The following PDGFC variants were observed in gnomAD, a reference collection of about 807,000 sequenced individuals.
The protein encoded by PDGFC is platelet-derived growth factor C.
Under a neutral mutation model 35.5 loss-of-function variants are expected in PDGFC, and 12 were observed. The ratio of observed to expected loss-of-function variants is 0.34; its 90% CI spans 0.22 to 0.55. The LOEUF (loss-of-function observed/expected upper bound fraction) is 0.55. Among genes scored for constraint, PDGFC ranks in the 20% least tolerant of loss-of-function variants. PDGFC has a pLI of 0.91. For missense variants in PDGFC, 322 were observed against 412.4 expected (o/e 0.78, Z 1.90); for synonymous variants, 159 against 148.8 (o/e 1.07, Z -0.50).
intron 1 of PDGFC, among the ~76,000 whole-genome samples, chr4:156,950,581 A>T (rs965066322): frequency 2.0e-5 from 3 of 151,822 alleles, no homozygotes; most frequent in African/African-American, 7.2e-5. Context: ...TAATAAAATT[A>T]ATATGCCTTT....
intron 1 of PDGFC, among the ~76,000 whole-genome samples, chr4:156,963,170 C>A (rs1431730170): frequency 6.6e-6 from 1 of 151,916 alleles, no homozygotes; most frequent in East Asian, 1.9e-4. Flanking sequence ...AACTACTAGT[C>A]TAAAGAAAAA....
chr4:156,906,721 C>T (rs969296748), intron 1 of PDGFC, among the ~76,000 whole-genome samples: 1 of 152,178 alleles, frequency 6.6e-6, no homozygotes, highest in African/African-American at 2.4e-5. Context: ...AAGAGCATTT[C>T]CTCTTTGCAG....
At chr4:156,894,216 T>C (rs1208020297) in intron 1 of PDGFC, among the ~76,000 whole-genome samples, 2 of 152,214 alleles carry the variant, frequency 1.3e-5, no homozygotes, top group Non-Finnish European at 2.9e-5. Context: ...TATTTTATCT[T>C]AGTAATCTTG....
intron 1 of PDGFC, among the ~76,000 whole-genome samples, chr4:156,864,168 A>T (rs1294941440): frequency 6.6e-6 from 1 of 152,264 alleles, no homozygotes; most frequent in Non-Finnish European, 1.5e-5. Context: ...ACATATTTAC[A>T]AATAAAATTT....
intron 1 of PDGFC, among the ~76,000 whole-genome samples, chr4:156,887,942 G>T (rs914095704): frequency 2.6e-5 from 4 of 151,168 alleles, no homozygotes; most frequent in Non-Finnish European, 4.4e-5. Flanking sequence ...GGTTGAGGCT[G>T]CAGTGAGCTG....
chr4:156,946,713 G>A (rs1731956835), intron 1 of PDGFC, among the ~76,000 whole-genome samples: 3 of 151,998 alleles, frequency 2.0e-5, no homozygotes, highest in Admixed American at 1.3e-4. Context: ...TAGTCTTGCT[G>A]CCAACAACAT....
intron 1 of PDGFC, among the ~76,000 whole-genome samples, chr4:156,896,585 G>A (rs993462873): frequency 7.9e-5 from 12 of 152,110 alleles, no homozygotes; most frequent in African/African-American, 2.9e-4. Flanking sequence ...TACTTAAAGA[G>A]TTGACACAAT....
rs970183511 is a variant in PDGFC at position 156,821,565 on chromosome 4, C to T, written c.315-10548G>A. ...GTATATTTATTTTATTTTATCTTTT[C>T]GAGACAGGGTCTTGCTCTGTAGCCC... On this transcript the variant is annotated intron_variant, in intron 2 of 5. Coordinates refer to ENST00000502773, the MANE Select transcript of PDGFC (RefSeq NM_016205.3). Among the ~76,000 whole-genome samples, 10 of 151,854 alleles carry T rather than the reference C, an allele frequency of 6.6e-5. No homozygotes were observed. In the South Asian group the frequency reaches 1.5e-3, roughly 22 times the overall value.
chr4:156,933,001 G>T (rs1346338795), intron 1 of PDGFC, among the ~76,000 whole-genome samples: 2 of 152,076 alleles, frequency 1.3e-5, no homozygotes, highest in Non-Finnish European at 2.9e-5. Context: ...ACATGGTAGA[G>T]GCAGGCTTGT....
chr4:156,852,205 G>A (rs1025884572), intron 1 of PDGFC, among the ~76,000 whole-genome samples: 1 of 151,528 alleles, frequency 6.6e-6, no homozygotes, highest in Non-Finnish European at 1.5e-5. Context: ...TTCATAATTT[G>A]GAGATATGCT....
intron 3 of PDGFC, among the ~76,000 whole-genome samples, chr4:156,781,098 C>T (rs1177960322): frequency 6.6e-6 from 1 of 152,080 alleles, no homozygotes; most frequent in African/African-American, 2.4e-5. Context: ...CGCGGACTAC[C>T]AGAAAATTCC....
chr4:156,851,010 G>T (rs1274900907), intron 1 of PDGFC, among the ~76,000 whole-genome samples: 2 of 152,106 alleles, frequency 1.3e-5, no homozygotes, highest in Non-Finnish European at 2.9e-5. Context: ...ATGTCAATTA[G>T]CATACCATAC....
chr4:156,889,190 A>G (rs1730446170), intron 1 of PDGFC, among the ~76,000 whole-genome samples: 1 of 152,158 alleles, frequency 6.6e-6, no homozygotes, highest in South Asian at 2.1e-4. Flanking sequence ...TCTTAACACT[A>G]TGCACATTAT....
chr4:156,964,646 T>C (rs914930468), intron 1 of PDGFC, among the ~76,000 whole-genome samples: 1 of 152,106 alleles, frequency 6.6e-6, no homozygotes, highest in Non-Finnish European at 1.5e-5. Flanking sequence ...ATAAAAAGTA[T>C]GTGAATTTTG....
intron 2 of PDGFC, among the ~76,000 whole-genome samples, chr4:156,823,855 A>G (rs942289423): frequency 6.6e-6 from 1 of 152,210 alleles, no homozygotes; most frequent in East Asian, 1.9e-4. Context: ...GAATAAATGG[A>G]TAAGGAAAGT....
At chr4:156,901,754 C>G (rs758844659) in intron 1 of PDGFC, among the ~76,000 whole-genome samples, 31 of 152,076 alleles carry the variant, frequency 2.0e-4, no homozygotes, top group Non-Finnish European at 4.1e-4. Flanking sequence ...TCCTGAGGAG[C>G]TCGGTGTACC....
intron 1 of PDGFC, among the ~76,000 whole-genome samples, chr4:156,860,056 T>C (rs1729673872): frequency 1.3e-5 from 2 of 152,042 alleles, no homozygotes; most frequent in South Asian, 2.1e-4. Flanking sequence ...AAAAGAGGAG[T>C]TGAGACAGAA....
At chr4:156,831,183 C>T (rs1280573821) in intron 2 of PDGFC, among the ~76,000 whole-genome samples, 2 of 152,130 alleles carry the variant, frequency 1.3e-5, no homozygotes. Context: ...CAAATATGCA[C>T]AGAGTAGGCA....
At chr4:156,925,624 G>A (rs1256132543) in intron 1 of PDGFC, among the ~76,000 whole-genome samples, 1 of 151,880 alleles carries the variant, frequency 6.6e-6, no homozygotes, top group Admixed American at 6.6e-5. Context: ...TAATTATACA[G>A]GTTTGGAATT....
Sources: allele counts gnomAD v4.1 joint callset (sites outside exome capture counted in the v4.1 genomes callset), GRCh38; gene constraint gnomAD v4.1.1; transcripts MANE v1.5; gene names NCBI Gene and HGNC (gene_info 2026-07-23, HGNC 2026-07-21).